NRXN1: variants seen among roughly 807,000 people sequenced by gnomAD.
NRXN1 encodes neurexin 1.
NRXN1 carries 39 observed loss-of-function variants against 150.9 expected under a neutral mutation model. That is an observed-to-expected ratio of 0.26 (90% CI 0.20 to 0.34). NRXN1 has a LOEUF of 0.34. Ranked by LOEUF, NRXN1 falls within the 10% of genes least tolerant of loss-of-function variation. The pLI is 1.00. For missense variants in NRXN1, 1,815 were observed against 1,949.9 expected (o/e 0.93, Z 1.30); for synonymous variants, 924 against 757.0 (o/e 1.22, Z -3.62).
At chr2:50,094,533 A>C (rs1021973193) in intron 18 of NRXN1, among the ~76,000 whole-genome samples, 1 of 152,154 alleles carries the variant, frequency 6.6e-6, no homozygotes, top group Non-Finnish European at 1.5e-5. Flanking sequence ...TGAGCAAACT[A>C]GTATTTGACT....
At chr2:50,398,879 G>A (rs781659491) in intron 17 of NRXN1, among the ~76,000 whole-genome samples, 9 of 152,134 alleles carry the variant, frequency 5.9e-5, no homozygotes, top group Non-Finnish European at 1.0e-4. Context: ...GATACCCTGA[G>A]TTTCATCATG....
rs568657690 is a variant in NRXN1 at position 50,408,667 on chromosome 2, A to G, written c.3364+56775T>C. On this transcript the variant is annotated intron_variant, in intron 17 of 22. Transcript: ENST00000401669. ...ATTGATTGTGTGTATGTGTGTGTGT[A>G]TGTCTGTGTGTGCGTCTGTGTCTGT... 6.6e-5 allele frequency among the ~76,000 whole-genome samples: 10 copies of G among 152,166 alleles called. No homozygotes were observed. The South Asian group carries it at 1.0e-3, about 16-fold the overall frequency.
chr2:50,372,980 T>C (rs1355043115), intron 17 of NRXN1, among the ~76,000 whole-genome samples: 1 of 152,086 alleles, frequency 6.6e-6, no homozygotes, highest in Non-Finnish European at 1.5e-5. Context: ...ACCCCTCTTT[T>C]TAATGACATC....
intron 2 of NRXN1, among the ~76,000 whole-genome samples, chr2:50,938,897 A>G (rs758518739): frequency 6.6e-6 from 1 of 152,144 alleles, no homozygotes; most frequent in African/African-American, 2.4e-5. Context: ...TAGGAAGTAA[A>G]TAATTGTAGA....
chr2:50,883,446 A>G (rs1420431379), intron 5 of NRXN1, among the ~76,000 whole-genome samples: 1 of 149,490 alleles, frequency 6.7e-6, no homozygotes, highest in African/African-American at 2.5e-5. Flanking sequence ...CATTTTAAGT[A>G]TTTGTACACA....
intron 17 of NRXN1, among the ~76,000 whole-genome samples, chr2:50,388,864 TAAAA>T (rs200719965): frequency 5.4e-5 from 8 of 147,736 alleles, no homozygotes; most frequent in Admixed American, 2.7e-4. Context: ...AACAGCAAAG[TAAAA>T]AAAAAAATAT....
At chr2:50,335,799 G>T (rs1189118059) in intron 17 of NRXN1, among the ~76,000 whole-genome samples, 2 of 151,994 alleles carry the variant, frequency 1.3e-5, no homozygotes, top group East Asian at 1.9e-4. Context: ...TTTACTTAAA[G>T]AATCTACCAA....
At chr2:50,290,655 A>G (rs1392627560) in intron 17 of NRXN1, among the ~76,000 whole-genome samples, 1 of 152,178 alleles carries the variant, frequency 6.6e-6, no homozygotes, top group African/African-American at 2.4e-5. Flanking sequence ...CTCCCACTGT[A>G]CAGCAGAGAG....
chr2:50,062,779 A>C (rs1275680709), intron 19 of NRXN1, among the ~76,000 whole-genome samples: 1 of 152,084 alleles, frequency 6.6e-6, no homozygotes, highest in Admixed American at 6.6e-5. Context: ...TTAGTTCTTC[A>C]CTCTTGTGTA....
intron 17 of NRXN1, among the ~76,000 whole-genome samples, chr2:50,262,793 C>A (rs2068424682): frequency 6.6e-6 from 1 of 151,972 alleles, no homozygotes; most frequent in South Asian, 2.1e-4. Context: ...CCAGGCATCG[C>A]CTCAATGGTC....
intron 21 of NRXN1, among the ~76,000 whole-genome samples, chr2:50,035,436 G>C (rs1205368042): frequency 6.6e-6 from 1 of 152,026 alleles, no homozygotes; most frequent in Admixed American, 6.6e-5. Context: ...AAAACATGCT[G>C]TTAACTTCTG....
intron 2 of NRXN1, among the ~76,000 whole-genome samples, chr2:50,934,519 A>G (rs1688234173): frequency 2.0e-5 from 3 of 152,172 alleles, no homozygotes; most frequent in Admixed American, 6.5e-5. Context: ...TCAGTTCCTT[A>G]GCCATGTTCC....
chr2:50,088,321 C>T (rs1699079450), intron 19 of NRXN1, among the ~76,000 whole-genome samples: 1 of 152,092 alleles, frequency 6.6e-6, no homozygotes, highest in African/African-American at 2.4e-5. Context: ...CAGCATCACA[C>T]TGAAATGAAC....
intron 5 of NRXN1, among the ~76,000 whole-genome samples, chr2:50,879,676 G>A (rs990012751): frequency 1.3e-5 from 2 of 151,824 alleles, no homozygotes; most frequent in Non-Finnish European, 1.5e-5. Context: ...TCTCAGTTTC[G>A]CCTGTGGTCT....
intron 2 of NRXN1, among the ~76,000 whole-genome samples, chr2:50,986,769 T>C (rs1324055110): frequency 6.6e-6 from 1 of 151,602 alleles, no homozygotes; most frequent in African/African-American, 2.4e-5. Flanking sequence ...GAGATAGTGC[T>C]ATCAAATATC....
At chr2:50,133,878 G>A (rs925187932) in intron 18 of NRXN1, among the ~76,000 whole-genome samples, 1 of 152,132 alleles carries the variant, frequency 6.6e-6, no homozygotes, top group African/African-American at 2.4e-5. Context: ...ATTTGCTTGT[G>A]TCTAATACTC....
At chr2:50,482,923 C>T (rs937138862) in intron 15 of NRXN1, among the ~76,000 whole-genome samples, 14 of 151,648 alleles carry the variant, frequency 9.2e-5, no homozygotes, top group Admixed American at 5.9e-4. Context: ...TGGTGGCATG[C>T]GTCTGTAGTC....
At chr2:50,647,047 G>A (rs995127608) in intron 5 of NRXN1, among the ~76,000 whole-genome samples, 2 of 151,370 alleles carry the variant, frequency 1.3e-5, no homozygotes, top group African/African-American at 4.9e-5. Context: ...AATTTAGGTG[G>A]TCTGTTTTAT....
intron 5 of NRXN1, among the ~76,000 whole-genome samples, chr2:50,763,822 G>A (rs1208333824): frequency 6.6e-6 from 1 of 151,898 alleles, no homozygotes; most frequent in Non-Finnish European, 1.5e-5. Context: ...TGCCTCCACC[G>A]AATAATTTTG....
Sources: allele counts gnomAD v4.1 joint callset (sites outside exome capture counted in the v4.1 genomes callset), GRCh38; gene constraint gnomAD v4.1.1; transcripts MANE v1.5; gene names NCBI Gene and HGNC (gene_info 2026-07-23, HGNC 2026-07-21).